NFILZ: variants seen among roughly 807,000 people sequenced by gnomAD.
The protein encoded by NFILZ is NFIL3 like protein.
In NFILZ at chr19:8,678,023, T is replaced by G. The variant is rs1555750908; in HGVS notation, c.*388T>G. ...CCATCCATTAGTCCCTCCATCCTTA[T>G]CCATCTATCCATCCATCCATCCATC... On this transcript the variant is annotated 3_prime_UTR_variant, in exon 6 of 6. Coordinates refer to ENST00000691075, the MANE Select transcript of NFILZ (RefSeq NM_001378600.1). 8.4e-6 allele frequency among the ~76,000 whole-genome samples: 1 copy of G among 119,154 alleles called. No homozygotes were observed. The highest frequency in any genetic ancestry group is 1.8e-5 in the Non-Finnish European group (1 of 56,592). The allele number at this position is 119,154 out of a possible 152,430, so 78.2% of individuals were successfully genotyped here. A position where few individuals can be genotyped will look rare whatever the true frequency, so the allele number is the denominator to read the frequency against.
intron 3 of NFILZ, among the ~76,000 whole-genome samples, chr19:8,648,777 T>C (rs948699983): frequency 2.7e-5 from 4 of 150,180 alleles, no homozygotes; most frequent in Non-Finnish European, 4.4e-5. Flanking sequence ...GGCTTGAACC[T>C]GGGAGGTGGA....
intron 3 of NFILZ, among the ~76,000 whole-genome samples, chr19:8,652,248 G>A (rs1038811258): frequency 1.3e-5 from 2 of 152,130 alleles, no homozygotes; most frequent in Admixed American, 1.3e-4. Context: ...GACTACAGGC[G>A]CCCGCCACCA....
chr19:8,666,394 T>G (rs1555749791), intron 3 of NFILZ, among the ~76,000 whole-genome samples: 1 of 152,002 alleles, frequency 6.6e-6, no homozygotes, highest in African/African-American at 2.4e-5. Context: ...CAGGCTGGTC[T>G]TGAACTCCTA....
chr19:8,642,953 C>CT (rs35200818), intron 3 of NFILZ, among the ~76,000 whole-genome samples: 85,244 of 139,130 alleles, frequency 0.61, 26,563 homozygotes, highest in South Asian at 0.65. Flanking sequence ...GATTTTGACT[C>CT]TTTTTTTTTT....
Position 8,678,077 on chromosome 19 carries a change from AATCCATCCATCCATTCCATCCATCC to A in NFILZ, c.*457_*481del, listed in dbSNP as rs2043122239. On this transcript the variant is annotated 3_prime_UTR_variant, in exon 6 of 6. Coordinates refer to ENST00000691075, the MANE Select transcript of NFILZ (RefSeq NM_001378600.1). ...CCACCCATCTATTCATCCATCCATC[AATCCATCCATCCATTCCATCCATCC>A]ATCCATCCATCCATCCATCCATCCC... Among the ~76,000 whole-genome samples, 2 of 6,104 alleles carry A rather than the reference AATCCATCCATCCATTCCATCCATCC, an allele frequency of 3.3e-4. No individual in the cohort carries two copies. Among genetic ancestry groups the A allele is most frequent in the African/African-American group, 7.9e-4 (1 of 1,266 alleles). 4.0% of individuals were successfully genotyped at this position (6,104 alleles called of 152,430 possible). A position where few individuals can be genotyped will look rare whatever the true frequency, so the allele number is the denominator to read the frequency against.
chr19:8,676,462 G>A lies in NFILZ; in HGVS notation c.-16+6G>A, dbSNP rs1044120664. On this transcript the variant is annotated splice_donor_region_variant and intron_variant, in intron 5 of 5. Transcript: ENST00000691075. ...GTCTGCTGACCTTCTCAACAGTAAG[G>A]AGAACACCCCTGGAAGAGCATGTGT... Among the ~76,000 whole-genome samples the A allele has an allele frequency of 3.3e-5, 5 of 152,160 alleles. No homozygotes were observed.
rs372870225 is a variant in NFILZ at position 8,654,247 on chromosome 19, A to AACAAACAAACAAACAAACAAAC, written c.-164+18502_-164+18503insCAAACAAACAAACAAACAAACA. Among the ~76,000 whole-genome samples, 11 of 151,230 alleles carry AACAAACAAACAAACAAACAAAC rather than the reference A, an allele frequency of 7.3e-5. 1 individual carries two copies. The highest frequency in any genetic ancestry group is 2.7e-4 in the African/African-American group (11 of 41,152). ...AATTCTGTCTCAAAACAAACAAACA[A>AACAAACAAACAAACAAACAAAC]AAACAAACAAACAAACAAACCAAAA... On this transcript the variant is annotated intron_variant, in intron 3 of 5. Transcript: ENST00000691075.
At chr19:8,634,023 A>G (rs547033518) in intron 2 of NFILZ, among the ~76,000 whole-genome samples, 17 of 141,790 alleles carry the variant, frequency 1.2e-4, no homozygotes, top group Admixed American at 1.2e-3. Flanking sequence ...TTTGAGATAG[A>G]GTCTTGCTCT....
chr19:8,645,398 C>T (rs1246739623), intron 3 of NFILZ, among the ~76,000 whole-genome samples: 3 of 151,912 alleles, frequency 2.0e-5, no homozygotes, highest in Non-Finnish European at 4.4e-5. Flanking sequence ...CCTAGGCCTC[C>T]CAAAGTGCTG....
chr19:8,653,041 T>TTTCTTTCTTTCTTTCTCTCTCC, intron 3 of NFILZ, among the ~76,000 whole-genome samples: 1 of 63,274 alleles, frequency 1.6e-5, no homozygotes, highest in Non-Finnish European at 3.0e-5. Flanking sequence ...TCTTTCTTTC[T>TTTCTTTCTTTCTTTCTCTCTCC]CTCTCTCTCT....
intron 3 of NFILZ, among the ~76,000 whole-genome samples, chr19:8,646,161 C>T (rs565405188): frequency 5.7e-4 from 86 of 152,068 alleles, no homozygotes; most frequent in Middle Eastern, 6.8e-3. Context: ...TTCAGCCTCC[C>T]GAGTAGCTGG....
intron 3 of NFILZ, among the ~76,000 whole-genome samples, chr19:8,659,449 C>T (rs1184836894): frequency 1.3e-5 from 2 of 151,478 alleles, no homozygotes; most frequent in African/African-American, 4.9e-5. Flanking sequence ...GCGTTGCAGG[C>T]ACTGGAGCTG....
chr19:8,642,118 A>C (rs920918548), intron 3 of NFILZ, among the ~76,000 whole-genome samples: 2 of 151,826 alleles, frequency 1.3e-5, no homozygotes, highest in Non-Finnish European at 2.9e-5. Context: ...CTGGGATTAC[A>C]AGTGTGAAGC....
chr19:8,669,154 A>G (rs2043075790), intron 3 of NFILZ, among the ~76,000 whole-genome samples: 1 of 152,204 alleles, frequency 6.6e-6, no homozygotes, highest in Admixed American at 6.5e-5. Flanking sequence ...CATGTTGGCC[A>G]GGCTGGTCTC....
chr19:8,636,584 A>G (rs1329111092), intron 3 of NFILZ, among the ~76,000 whole-genome samples: 2 of 150,026 alleles, frequency 1.3e-5, no homozygotes, highest in African/African-American at 4.9e-5. Context: ...AGCTAGGATT[A>G]CAGGCATGCA....
chr19:8,652,974 TCC>T (rs2042972108), intron 3 of NFILZ, among the ~76,000 whole-genome samples: 8 of 63,272 alleles, frequency 1.3e-4, no homozygotes, highest in Non-Finnish European at 2.6e-4. Context: ...CTTCCCTCCT[TCC>T]TTCCTTCCTT....
At position 8,635,673 on chromosome 19, in the gene NFILZ, G is replaced by T. The variant is rs782355964; in HGVS notation, c.-237G>T. On this transcript the variant is annotated 5_prime_UTR_variant, in exon 3 of 6. Transcript: ENST00000691075. ...AGACACGTGAGTTGTTTCCAGTTTT[G>T]GTGACGAATGCCCAAATTCATAGGC... 6.6e-6 allele frequency: 1 copy of T among 152,042 alleles called. No homozygotes were observed. Among genetic ancestry groups the T allele is most frequent in the Non-Finnish European group, 1.5e-5 (1 of 68,018 alleles). The allele number at this position is 152,042 out of a possible 1,614,324, so 9.4% of individuals were successfully genotyped here. A position where few individuals can be genotyped will look rare whatever the true frequency, so the allele number is the denominator to read the frequency against.
At chr19:8,656,391 CCGCAGCCCACCTTCTCT>C (rs1353982170) in intron 3 of NFILZ, among the ~76,000 whole-genome samples, 7,157 of 133,730 alleles carry the variant, frequency 0.054, 444 homozygotes, top group Middle Eastern at 0.085. Context: ...CCACCTTCTC[CCGCAGCCCACCTTCTCT>C]CTGAAACCCA....
chr19:8,669,649 G>T lies in NFILZ; in HGVS notation c.-163-4902G>T, dbSNP rs145116694. On this transcript the variant is annotated intron_variant, in intron 3 of 5. Transcript: ENST00000691075. Reference sequence around the variant, plus strand: ...TGTGTCCTCACTGAAACAAGTGGAAGTATCTGGGGACATTTAACCTGGTGC... The same window carrying T: ...TGTGTCCTCACTGAAACAAGTGGAATTATCTGGGGACATTTAACCTGGTGC... Among the ~76,000 whole-genome samples, 9 of 152,324 alleles carry T rather than the reference G, an allele frequency of 5.9e-5. No homozygotes were observed. The East Asian group carries it at 1.7e-3, about 29-fold the overall frequency.
Sources: gnomAD v4.1 joint callset for allele counts (sites outside exome capture counted in the v4.1 genomes callset) on GRCh38, gnomAD v4.1.1 for gene constraint, MANE v1.5 for transcripts, NCBI Gene and HGNC (gene_info 2026-07-23, HGNC 2026-07-21) for gene names.